The following TPD52L1 variants were observed in gnomAD, a reference collection of about 807,000 sequenced individuals.
TPD52L1 encodes TPD52 like 1.
In TPD52L1, 18 loss-of-function variants were observed where a neutral mutation model predicts 28.7. That is an observed-to-expected ratio of 0.63 (90% confidence interval 0.43 to 0.93). The LOEUF is 0.93. TPD52L1 is among the 40% of genes least tolerant of loss of function. TPD52L1 has a pLI of 0.00. For synonymous variants in TPD52L1, 75 were observed against 88.8 expected, an observed-to-expected ratio of 0.84 and a Z score of 0.88; for missense variants, 203 against 254.8, an observed-to-expected ratio of 0.80 and a Z score of 1.39.
chr6:125,219,904 T>C (rs2114960728), intron 1 of TPD52L1, 174 bp from the exon 2 acceptor site: 1 of 663,134 alleles, frequency 1.5e-6, no homozygotes, highest in Admixed American at 2.2e-5. Context: ...TTGGTATTCT[T>C]TGCTTTCTTG....
chr6:125,220,023 G>A (rs1341719467), intron 1 of TPD52L1, 55 bp from the exon 2 acceptor site: 1 of 1,265,198 alleles, frequency 7.9e-7, no homozygotes, highest in Non-Finnish European at 1.2e-6. Flanking sequence ...GGAAGCAGAA[G>A]TTGGTTTAAA....
chr6:125,159,600 A>C (rs930072179), intron 1 of TPD52L1, among the ~76,000 whole-genome samples: 8 of 152,166 alleles, frequency 5.3e-5, no homozygotes, highest in African/African-American at 1.9e-4. Flanking sequence ...TCTTAATGAC[A>C]TCTAGAATGG....
intron 1 of TPD52L1, 143 bp downstream of exon 1, chr6:125,154,113 G>A: frequency 7.0e-7 from 1 of 1,420,646 alleles, no homozygotes; most frequent in South Asian, 1.5e-5. Context: ...CCGCGCCTTT[G>A]GTATAATGCC....
chr6:125,219,794 G>A (rs906039419), intron 1 of TPD52L1: 3 of 412,408 alleles, frequency 7.3e-6, no homozygotes, highest in African/African-American at 2.1e-5. Context: ...GAGCTAAGCT[G>A]GAATTCACCA....
chr6:125,229,356 T>C, intron 3 of TPD52L1, 90 bp downstream of exon 3: 1 of 1,330,488 alleles, frequency 7.5e-7, no homozygotes, highest in Non-Finnish European at 1.0e-6. Context: ...CAAGGCTGAT[T>C]TGGTGCATGA....
intron 1 of TPD52L1, among the ~76,000 whole-genome samples, chr6:125,216,093 G>T (rs1200412132): frequency 6.6e-6 from 1 of 152,118 alleles, no homozygotes; most frequent in Non-Finnish European, 1.5e-5. Flanking sequence ...TGGAATTGCT[G>T]CTGATTCCTG....
chr6:125,227,291 G>A (rs139530665), intron 2 of TPD52L1, among the ~76,000 whole-genome samples: 101 of 152,248 alleles, frequency 6.6e-4, no homozygotes, highest in Non-Finnish European at 1.3e-3. Flanking sequence ...ATAAAGGTTC[G>A]CAAAACCATT....
intron 5 of TPD52L1, among the ~76,000 whole-genome samples, chr6:125,254,511 A>G (rs1797474165): frequency 6.6e-6 from 1 of 152,084 alleles, no homozygotes; most frequent in Non-Finnish European, 1.5e-5. Context: ...CTGCTTGTCA[A>G]AGATGCCCCT....
rs77761368 is a variant in TPD52L1, at chr6:125,173,527, C to G, written c.19+19557C>G. Among the ~76,000 whole-genome samples the G allele has an allele frequency of 9.2e-5, 14 of 152,308 alleles. No homozygotes were observed. The East Asian group carries it at 2.7e-3, about 29-fold the overall frequency. On this transcript the variant is annotated intron_variant, in intron 1 of 6. Transcript: ENST00000534000. Reference sequence around the variant, plus strand: ...CACCACCACTCTGCCACTCCCTTCTCAGGTCCTCTGTTTGCTCACCTCTTT... The same window carrying G: ...CACCACCACTCTGCCACTCCCTTCTGAGGTCCTCTGTTTGCTCACCTCTTT...
chr6:125,190,980 G>C (rs1247986044), intron 1 of TPD52L1, among the ~76,000 whole-genome samples: 1 of 152,156 alleles, frequency 6.6e-6, no homozygotes. Flanking sequence ...ATCATTCTCT[G>C]TTGCTACATC....
chr6:125,175,539 C>T (rs979029707), intron 1 of TPD52L1, among the ~76,000 whole-genome samples: 1 of 151,912 alleles, frequency 6.6e-6, no homozygotes, highest in African/African-American at 2.4e-5. Context: ...ACTAAGTTAC[C>T]CTTCTTAAGA....
At chr6:125,202,787 C>T (rs1203286669) in intron 1 of TPD52L1, among the ~76,000 whole-genome samples, 16 of 29,620 alleles carry the variant, frequency 5.4e-4, no homozygotes, top group African/African-American at 4.8e-3. Flanking sequence ...TTTTTTGAGA[C>T]GGAGCCTTGC....
chr6:125,180,712 G>A (rs758905104), intron 1 of TPD52L1, among the ~76,000 whole-genome samples: 15 of 152,094 alleles, frequency 9.9e-5, no homozygotes, highest in Admixed American at 3.3e-4. Flanking sequence ...ATGAAGGAGA[G>A]CTGTTTAACA....
rs536614522 is a variant in TPD52L1, at chr6:125,212,720, G to A, written c.20-7358G>A. On this transcript the variant is annotated intron_variant, in intron 1 of 6. Transcript: ENST00000534000. The stretch of plus-strand genomic sequence containing the variant: ...CTTGGGACTGAGCCCCAGGTCCCAT[G>A]AATGCAGGTCTTCATCAGCAAGGCT... Among the ~76,000 whole-genome samples, 4 of 152,364 alleles carry A rather than the reference G, an allele frequency of 2.6e-5. No individual in the cohort carries two copies. The East Asian group carries it at 5.8e-4, about 22-fold the overall frequency.
chr6:125,209,957 TAGAG>T (rs1379514437), intron 1 of TPD52L1, among the ~76,000 whole-genome samples: 3 of 152,214 alleles, frequency 2.0e-5, no homozygotes, highest in Admixed American at 1.3e-4. Flanking sequence ...TGAAACTTGA[TAGAG>T]AGTTCATAAT....
intron 3 of TPD52L1, among the ~76,000 whole-genome samples, chr6:125,239,159 T>C (rs536429856): frequency 2.4e-4 from 37 of 152,204 alleles, no homozygotes; most frequent in Non-Finnish European, 4.9e-4. Context: ...TTTTAAATTA[T>C]GGTCATTTTT....
At chr6:125,212,700 G>A (rs1794600666) in intron 1 of TPD52L1, among the ~76,000 whole-genome samples, 2 of 152,222 alleles carry the variant, frequency 1.3e-5, no homozygotes, top group Non-Finnish European at 2.9e-5. Flanking sequence ...AGCAACTTGG[G>A]ACTGAGCCCC....
chr6:125,175,114 CT>C (rs1233907992), intron 1 of TPD52L1, among the ~76,000 whole-genome samples: 2 of 152,152 alleles, frequency 1.3e-5, no homozygotes, highest in African/African-American at 4.8e-5. Context: ...TAATCATTTA[CT>C]TTTTCTCCTA....
intron 1 of TPD52L1, among the ~76,000 whole-genome samples, chr6:125,218,987 G>A (rs530558767): frequency 2.4e-4 from 36 of 152,230 alleles, no homozygotes; most frequent in African/African-American, 8.2e-4. Context: ...TTACCACCCC[G>A]GAAAAAGAAA....
Sources: gnomAD v4.1 joint callset for allele counts (sites outside exome capture counted in the v4.1 genomes callset) on GRCh38, gnomAD v4.1.1 for gene constraint, MANE v1.5 for transcripts, NCBI Gene and HGNC (gene_info 2026-07-23, HGNC 2026-07-21) for gene names.